Variants in CPM observed in about 807,000 individuals in gnomAD.
CPM encodes the protein carboxypeptidase M, also known as renal carboxypeptidase.
A neutral mutation model predicts 46.4 loss-of-function variants in CPM; 35 were observed. The ratio of observed to expected loss-of-function variants is 0.75; its 90% CI spans 0.58 to 1.00. CPM has a LOEUF of 1.00. Among genes scored for constraint, CPM ranks in the 50% least tolerant of loss-of-function variants. The pLI is 0.00. For missense variants in CPM, 422 were observed against 530.4 expected, an observed-to-expected ratio of 0.80 and a Z score of 2.01; for synonymous variants, 195 against 195.3, an observed-to-expected ratio of 1.00 and a Z score of 0.01.
Position 68,871,913 on chromosome 12 carries a change from A to C in CPM, c.302T>G (p.Val101Gly). The C allele has an allele frequency of 6.2e-7, 1 of 1,614,170 alleles. No individual in the cohort carries two copies. The highest frequency in any genetic ancestry group is 8.5e-7 in the Non-Finnish European group (1 of 1,180,038). Residue 101 changes from valine (V) to glycine (G), a missense_variant, in exon 4 of 9, where the codon GTA becomes GGA. Physicochemically the swap from Val to Gly is moderately radical, Grantham distance 109. Transcript: ENST00000551568. Reference sequence around the variant, plus strand: ...TTCAGGGTCTTTGCCATCACTGGTTACGAGATAGTCAATCAGATGGAGCAG... The same window carrying C: ...TTCAGGGTCTTTGCCATCACTGGTTCCGAGATAGTCAATCAGATGGAGCAG... ...ELLLHLIDYLVTSDGKDPEIT... is the reference protein window; with the variant it reads ...ELLLHLIDYLGTSDGKDPEIT...
chr12:68,906,987 A>G (rs1362796021), intron 2 of CPM, among the ~76,000 whole-genome samples: 1 of 152,256 alleles, frequency 6.6e-6, no homozygotes, highest in Non-Finnish European at 1.5e-5. Flanking sequence ...TAATCCCTGC[A>G]TGAACACATC....
At chr12:68,902,129 A>G (rs1887140987) in intron 2 of CPM, among the ~76,000 whole-genome samples, 1 of 152,174 alleles carries the variant, frequency 6.6e-6, no homozygotes, top group African/African-American at 2.4e-5. Flanking sequence ...AGGAGAGGTA[A>G]ATATGAGCTT....
chr12:68,912,777 C>T (rs774403763), intron 2 of CPM, among the ~76,000 whole-genome samples: 4 of 152,184 alleles, frequency 2.6e-5, no homozygotes, highest in Admixed American at 6.5e-5. Context: ...CATAATTTGT[C>T]CCTTAGAGGA....
At chr12:68,873,962 T>A (rs898498529) in intron 3 of CPM, among the ~76,000 whole-genome samples, 6 of 151,982 alleles carry the variant, frequency 3.9e-5, no homozygotes, top group Non-Finnish European at 7.4e-5. Flanking sequence ...CCCACCAGCA[T>A]GTCTGGCTAA....
At chr12:68,884,010 G>A (rs779998142) in intron 3 of CPM, among the ~76,000 whole-genome samples, 10 of 150,878 alleles carry the variant, frequency 6.6e-5, no homozygotes, top group Admixed American at 2.0e-4. Flanking sequence ...CTCAGGAGGC[G>A]GAGGCAGGAG....
intron 1 of CPM, among the ~76,000 whole-genome samples, chr12:68,958,100 A>T (rs951719951): frequency 1.3e-5 from 2 of 152,218 alleles, no homozygotes; most frequent in Non-Finnish European, 2.9e-5. Flanking sequence ...ATTGATGGAC[A>T]TTTGGGTTGG....
At chr12:68,869,696 T>C (rs80338291) in intron 5 of CPM, among the ~76,000 whole-genome samples, 1,704 of 152,290 alleles carry the variant, frequency 0.011, 23 homozygotes, top group African/African-American at 0.039. Context: ...ATAAGTCAGA[T>C]ACAAATCCAA....
At chr12:68,845,239 T>C (rs1414009724) in intron 5 of CPM, 1 of 216,360 alleles carries the variant, frequency 4.6e-6, no homozygotes, top group Non-Finnish European at 9.3e-6. Flanking sequence ...CTTAAAAAAT[T>C]GTTTAAAAGT....
rs61926283 is a variant in CPM, at chr12:68,897,724, G to T, written c.161-11835C>A. On this transcript the variant is annotated intron_variant, in intron 2 of 8. Coordinates refer to ENST00000551568, the MANE Select transcript of CPM (RefSeq NM_198320.5). ...TGCACTCCAGTCTGGGTGACAGAGCGAGACTCCGTTTCAAAAAAAAAAAAA... is the reference window on the plus strand; with the variant it reads ...TGCACTCCAGTCTGGGTGACAGAGCTAGACTCCGTTTCAAAAAAAAAAAAA... Among the ~76,000 whole-genome samples, 283 of 133,470 alleles carry T rather than the reference G, an allele frequency of 2.1e-3. 1 individual carries two copies. The highest frequency in any genetic ancestry group is 7.8e-3 in the African/African-American group (270 of 34,686). The allele number at this position is 133,470 out of a possible 152,430, so 87.6% of individuals were successfully genotyped here. A position where few individuals can be genotyped will look rare whatever the true frequency, so the allele number is the denominator to read the frequency against.
chr12:68,863,926 T>C (rs1260624553), intron 7 of CPM, among the ~76,000 whole-genome samples: 1 of 152,204 alleles, frequency 6.6e-6, no homozygotes, highest in Non-Finnish European at 1.5e-5. Flanking sequence ...ACAAACAAAA[T>C]ATTCATTAGT....
In CPM at chr12:68,854,023, T is replaced by C. The variant is rs1165551857; in HGVS notation, c.*2414A>G. The C allele has an allele frequency of 6.6e-6, 1 of 151,966 alleles. No homozygotes were observed. The highest frequency in any genetic ancestry group is 1.9e-4 in the East Asian group (1 of 5,190). The allele number at this position is 151,966 out of a possible 1,614,324, so 9.4% of individuals were successfully genotyped here. On this transcript the variant is annotated 3_prime_UTR_variant, in exon 9 of 9. Transcript: ENST00000551568. ...CAAATTGAGTCCTAATGGTAAAATT[T>C]TTTTCTGATAAAAAAAGGTACTTTG... is the stretch of plus-strand genomic sequence containing the variant.
Position 68,920,791 on chromosome 12 carries a change from A to T in CPM, c.160+11887T>A, listed in dbSNP as rs571119397. Among the ~76,000 whole-genome samples the T allele has an allele frequency of 2.7e-5, 4 of 150,808 alleles. No individual in the cohort carries two copies. In the South Asian group the frequency reaches 8.4e-4, roughly 32 times the overall value. ...CTGTAACCTCCACCTCCTGGGTTCA[A>T]GTGATTCTCCCGCCTCAGACTCCAG... On this transcript the variant is annotated intron_variant, in intron 2 of 8. Coordinates refer to ENST00000551568, the MANE Select transcript of CPM (RefSeq NM_198320.5).
At chr12:68,843,839 G>A (rs748820965) in intron 5 of CPM, 4 of 217,382 alleles carry the variant, frequency 1.8e-5, no homozygotes, top group Non-Finnish European at 2.8e-5. Context: ...GGAGGTCCTC[G>A]AAGCATTATT....
intron 1 of CPM, 121 bp from the exon 2 acceptor site, chr12:68,932,961 A>C (rs1339465000): frequency 2.3e-6 from 2 of 857,302 alleles, no homozygotes; most frequent in Non-Finnish European, 3.6e-6. Flanking sequence ...CTGCCTCCTA[A>C]GGAGGCAAAA....
chr12:68,898,322 T>C (rs1886971173), intron 2 of CPM, among the ~76,000 whole-genome samples: 1 of 152,210 alleles, frequency 6.6e-6, no homozygotes, highest in Admixed American at 6.5e-5. Context: ...TGGCAAGGAA[T>C]AATGGCAATT....
At chr12:68,915,879 GC>G (rs1169276714) in intron 2 of CPM, among the ~76,000 whole-genome samples, 1 of 152,184 alleles carries the variant, frequency 6.6e-6, no homozygotes, top group Non-Finnish European at 1.5e-5. Context: ...ATTTGCTCTT[GC>G]CTATAAAATG....
At chr12:68,898,283 T>C (rs145191222) in intron 2 of CPM, among the ~76,000 whole-genome samples, 10 of 152,292 alleles carry the variant, frequency 6.6e-5, no homozygotes, top group African/African-American at 1.9e-4. Context: ...ATTGTCTATT[T>C]ATTGCTACCA....
chr12:68,948,166 G>C (rs936553746), intron 1 of CPM, among the ~76,000 whole-genome samples: 1 of 152,120 alleles, frequency 6.6e-6, no homozygotes, highest in African/African-American at 2.4e-5. Flanking sequence ...CTGTCCCCTT[G>C]ATCTGTTCCC....
At chr12:68,905,686 G>T (rs117949737) in intron 2 of CPM, among the ~76,000 whole-genome samples, 1 of 151,954 alleles carries the variant, frequency 6.6e-6, no homozygotes, top group Non-Finnish European at 1.5e-5. Flanking sequence ...TGGTGAGTAG[G>T]TCTACGCAAA....
Sources: allele counts gnomAD v4.1 joint callset (sites outside exome capture counted in the v4.1 genomes callset), GRCh38; gene constraint gnomAD v4.1.1; transcripts MANE v1.5; gene names NCBI Gene and HGNC (gene_info 2026-07-23, HGNC 2026-07-21).